VPS25: variants seen among roughly 807,000 people sequenced by gnomAD.
The protein encoded by VPS25 is vacuolar protein sorting 25 homolog, also known as vacuolar protein-sorting-associated protein 25.
Under a neutral mutation model 30.3 loss-of-function variants are expected in VPS25, and 21 were observed. The observed-to-expected ratio is 0.69, with a 90% CI of 0.49 to 1.00. The LOEUF is 1.00. Ranked by LOEUF, VPS25 falls within the 50% of genes least tolerant of loss-of-function variation. The pLI is 0.00. For missense variants in VPS25, 156 were observed against 217.2 expected (o/e 0.72, Z 1.77); for synonymous variants, 101 against 88.1 (o/e 1.15, Z -0.82).
intron 1 of VPS25, 42 bp downstream of exon 1, chr17:42,773,570 C>T: frequency 6.2e-7 from 1 of 1,614,090 alleles, no homozygotes; most frequent in Non-Finnish European, 8.5e-7. Context: ...GCCTCCCTCC[C>T]CTCCCCCGGA....
intron 2 of VPS25, chr17:42,774,372 CTTT>C (rs1161401913): frequency 0.013 from 2,988 of 225,674 alleles, no homozygotes; most frequent in East Asian, 0.02. Flanking sequence ...TTCTTTCTTT[CTTT>C]TTTTTTTTTT....
chr17:42,774,913 G>A, intron 3 of VPS25: 1 of 479,260 alleles, frequency 2.1e-6, no homozygotes, highest in Non-Finnish European at 3.7e-6. Flanking sequence ...AAGAGAAGTG[G>A]AAGAAGGATG....
chr17:42,774,149 A>T, intron 2 of VPS25: 1 of 363,692 alleles, frequency 2.7e-6, no homozygotes, highest in Non-Finnish European at 4.9e-6. Flanking sequence ...TTTAACCTAA[A>T]CCCTTTTGAC....
chr17:42,775,432 G>A lies in VPS25; in HGVS notation c.305G>A (p.Arg102Gln), dbSNP rs754987895. Reference protein sequence around the residue: ...KSKSSFLIMWRRPEEWGKLIY... With the variant: ...KSKSSFLIMWQRPEEWGKLIY... ...AAGTCCAGCTTCCTGATCATGTGGC[G>A]GAGGCCAGAAGAATGGGGGAAACTC... The change falls in exon 4 of 6, where the codon CGG (arginine) becomes CAG (glutamine). Residue 102 changes from arginine to glutamine, a missense_variant. Transcript: ENST00000253794. The A allele has an allele frequency of 4.3e-6, 7 of 1,613,914 alleles. No homozygotes were observed. The highest frequency in any genetic ancestry group is 1.6e-4 in the Middle Eastern group (1 of 6,080).
Position 42,775,478 on chromosome 17 carries a change from A to G in VPS25, c.342+9A>G. The G allele has an allele frequency of 6.2e-7, 1 of 1,606,046 alleles. No individual in the cohort carries two copies. Among genetic ancestry groups the G allele is most frequent in the Non-Finnish European group, 8.5e-7 (1 of 1,172,878 alleles). The stretch of plus-strand genomic sequence containing the variant: ...AACTCATCTATCAGTGGGTGAGATC[A>G]TTATTCTGCCAAGTATTCAACAGTG... On this transcript the variant is annotated intron_variant, in intron 4 of 5. Coordinates refer to ENST00000253794, the MANE Select transcript of VPS25 (RefSeq NM_032353.4).
At chr17:42,773,554 C>T in intron 1 of VPS25, 26 bp downstream of exon 1, 1 of 1,614,156 alleles carries the variant, frequency 6.2e-7, no homozygotes, top group Non-Finnish European at 8.5e-7. Flanking sequence ...CAAGAAGCAC[C>T]GCTGTGCCTC....
chr17:42,773,546 A>G lies in VPS25; in HGVS notation c.53+18A>G, dbSNP rs1175904153. 4 of 1,614,036 alleles carry G rather than the reference A, an allele frequency of 2.5e-6. No individual in the cohort carries two copies. In the African/African-American group the frequency reaches 5.3e-5, roughly 22 times the overall value. ...TTCTTTACGTGAGGCTCAGACCCCA[A>G]GAAGCACCGCTGTGCCTCCCTCCCC... On this transcript the variant is annotated intron_variant, in intron 1 of 5. Transcript: ENST00000253794.
rs771053039 is a variant in VPS25, at chr17:42,779,104, C to T, written c.*35C>T. ...GTCTCCCTTTACTTCTTACCTCCCA[C>T]CTTTCCAGGGCTTTCAAAAGGAGAC... On this transcript the variant is annotated 3_prime_UTR_variant, in exon 6 of 6. Transcript: ENST00000253794. 8.2e-6 allele frequency: 13 copies of T among 1,581,406 alleles called. No individual in the cohort carries two copies. Among genetic ancestry groups the T allele is most frequent in the Non-Finnish European group, 1.1e-5 (13 of 1,156,030 alleles).
At chr17:42,778,043 C>T (rs989713316) in intron 5 of VPS25, among the ~76,000 whole-genome samples, 3 of 152,116 alleles carry the variant, frequency 2.0e-5, no homozygotes, top group Admixed American at 1.3e-4. Flanking sequence ...TAGGTTTCCT[C>T]AGAAAGCAAG....
At chr17:42,776,364 T>C (rs2054435591) in intron 5 of VPS25, 44 bp downstream of exon 5, 2 of 1,584,640 alleles carry the variant, frequency 1.3e-6, no homozygotes, top group Non-Finnish European at 1.7e-6. Flanking sequence ...TTTTGTTTTG[T>C]TTTGTTTTGT....
chr17:42,776,574 G>A (rs1273139916), intron 5 of VPS25, among the ~76,000 whole-genome samples: 1 of 151,916 alleles, frequency 6.6e-6, no homozygotes, highest in Non-Finnish European at 1.5e-5. Context: ...ATGTTAGCCA[G>A]GTTGTTCTTA....
intron 2 of VPS25, chr17:42,774,095 A>G: frequency 2.0e-6 from 1 of 507,984 alleles, no homozygotes; most frequent in East Asian, 3.4e-5. Flanking sequence ...CTCGGATGTC[A>G]TTAAGGTCTT....
intron 4 of VPS25, 70 bp downstream of exon 4, chr17:42,775,539 A>C: frequency 1.5e-6 from 2 of 1,311,472 alleles, no homozygotes; most frequent in South Asian, 2.6e-5. Flanking sequence ...AGGGCCTAGC[A>C]GATAGCCGGT....
In VPS25 at chr17:42,775,730, A is replaced by G. The variant is rs138214827; in HGVS notation, c.342+261A>G. 4.1e-3 allele frequency among the ~76,000 whole-genome samples: 629 copies of G among 152,236 alleles called. 4 individuals carry two copies. The highest frequency in any genetic ancestry group is 0.015 in the African/African-American group (606 of 41,532). Reference sequence around the variant, plus strand: ...GGAGAATGCAGAACTGGGAACCCTGAGTGCTATTGTTGGCTGGAGCCTCTG... The same window carrying G: ...GGAGAATGCAGAACTGGGAACCCTGGGTGCTATTGTTGGCTGGAGCCTCTG... On this transcript the variant is annotated intron_variant, in intron 4 of 5. Transcript: ENST00000253794.
intron 2 of VPS25, 43 bp from the exon 3 acceptor site, chr17:42,774,603 C>T (rs377412270): frequency 1.3e-6 from 2 of 1,586,188 alleles, no homozygotes; most frequent in Admixed American, 3.4e-5. Context: ...AATTTTTATC[C>T]TACCCAACTC....
At chr17:42,776,199 A>G (rs1352388918) in intron 4 of VPS25, 46 bp from the exon 5 acceptor site, 1 of 1,537,880 alleles carries the variant, frequency 6.5e-7, no homozygotes. Flanking sequence ...ACTGTCTCCC[A>G]GGAGATTCTT....
Position 42,773,858 on chromosome 17 carries a change from T to G in VPS25, c.179T>G (p.Phe60Cys). ...ATGGAAGCTCAGGAGAGCCCGCTCTTCAACAACGTCAAGCTACAGCGTATC... is the reference window on the plus strand; with the variant it reads ...ATGGAAGCTCAGGAGAGCCCGCTCTGCAACAACGTCAAGCTACAGCGTATC... The part of the protein sequence containing the change: ...TVMEAQESPL[F>C]NNVKLQRKLP... The change falls in exon 2 of 6, where the codon TTC becomes TGC. Residue 60 changes from phenylalanine (F) to cysteine (C), a missense_variant. By Grantham distance (205) the Phe-to-Cys change is radical. Coordinates refer to ENST00000253794, the MANE Select transcript of VPS25 (RefSeq NM_032353.4). 6.2e-7 allele frequency: 1 copy of G among 1,613,572 alleles called. No homozygotes were observed. Among genetic ancestry groups the G allele is most frequent in the Non-Finnish European group, 8.5e-7 (1 of 1,179,982 alleles).
At chr17:42,777,641 GCT>G (rs1213657796) in intron 5 of VPS25, among the ~76,000 whole-genome samples, 1 of 152,170 alleles carries the variant, frequency 6.6e-6, no homozygotes, top group Admixed American at 6.5e-5. Flanking sequence ...GCTGACTCAG[GCT>G]CTCTTTCACC....
intron 3 of VPS25, chr17:42,775,069 A>C: frequency 2.7e-6 from 1 of 364,132 alleles, no homozygotes; most frequent in Non-Finnish European, 5.0e-6. Context: ...TGGGGAGATA[A>C]GGTCTCACTC....
Sources: allele counts gnomAD v4.1 joint callset (sites outside exome capture counted in the v4.1 genomes callset), GRCh38; gene constraint gnomAD v4.1.1; transcripts MANE v1.5; gene names NCBI Gene and HGNC (gene_info 2026-07-23, HGNC 2026-07-21).